CEP112: variants seen among roughly 807,000 people sequenced by gnomAD.
The protein encoded by CEP112 is centrosomal protein 112.
In CEP112, 127 loss-of-function variants were observed where a neutral mutation model predicts 153.0. The ratio of observed to expected loss-of-function variants is 0.83; its 90% CI spans 0.72 to 0.96. The LOEUF is 0.96. CEP112 is among the 40% of genes least tolerant of loss of function. The pLI is 0.00. For missense variants in CEP112, 1,089 were observed against 1,101.2 expected (o/e 0.99, Z 0.16); for synonymous variants, 358 against 374.4 (o/e 0.96, Z 0.51).
At chr17:66,141,081 T>C (rs1437803681) in intron 4 of CEP112, among the ~76,000 whole-genome samples, 1 of 152,170 alleles carries the variant, frequency 6.6e-6, no homozygotes, top group East Asian at 1.9e-4. Context: ...ATTTTGAATC[T>C]ATATTCTTCA....
At chr17:65,684,655 G>T (rs961867096) in intron 24 of CEP112, among the ~76,000 whole-genome samples, 1 of 152,162 alleles carries the variant, frequency 6.6e-6, no homozygotes, top group Non-Finnish European at 1.5e-5. Flanking sequence ...GTGAATTTTA[G>T]TTTTACCCAA....
chr17:65,945,508 C>G (rs2061622361), intron 18 of CEP112, among the ~76,000 whole-genome samples: 1 of 152,180 alleles, frequency 6.6e-6, no homozygotes, highest in Admixed American at 6.6e-5. Context: ...TAGTAGTATA[C>G]ATCAGTTTCA....
chr17:65,774,786 C>T (rs187981539), intron 21 of CEP112, among the ~76,000 whole-genome samples: 1 of 152,088 alleles, frequency 6.6e-6, no homozygotes, highest in Non-Finnish European at 1.5e-5. Context: ...TGCTGCACAG[C>T]CAAATGGTGA....
intron 8 of CEP112, among the ~76,000 whole-genome samples, chr17:66,088,106 C>A (rs1483378106): frequency 1.3e-5 from 2 of 152,020 alleles, no homozygotes; most frequent in African/African-American, 4.8e-5. Context: ...GGACTGACCC[C>A]AGCAGCCTAA....
chr17:65,778,839 A>C (rs1418712238), intron 21 of CEP112, among the ~76,000 whole-genome samples: 1 of 152,102 alleles, frequency 6.6e-6, no homozygotes, highest in Admixed American at 6.5e-5. Flanking sequence ...AAATTTACCC[A>C]AAAAAAGGCA....
intron 19 of CEP112, among the ~76,000 whole-genome samples, chr17:65,916,496 G>C (rs1274919488): frequency 1.3e-5 from 2 of 151,860 alleles, no homozygotes; most frequent in African/African-American, 4.8e-5. Context: ...ACTTAAAGAA[G>C]GAATAATGAG....
intron 22 of CEP112, among the ~76,000 whole-genome samples, chr17:65,747,048 A>C (rs2051515934): frequency 6.8e-6 from 1 of 148,076 alleles, no homozygotes; most frequent in Admixed American, 6.7e-5. Flanking sequence ...GCTTTGCAAA[A>C]ATGTTAGTGG....
intron 11 of CEP112, among the ~76,000 whole-genome samples, chr17:66,059,771 T>C (rs1380239129): frequency 2.6e-5 from 4 of 152,166 alleles, no homozygotes; most frequent in Non-Finnish European, 4.4e-5. Context: ...ACAACTACCA[T>C]TTGACCCAAC....
chr17:65,658,740 C>T (rs1454532427), intron 24 of CEP112, among the ~76,000 whole-genome samples: 2 of 151,950 alleles, frequency 1.3e-5, no homozygotes, highest in African/African-American at 2.4e-5. Flanking sequence ...ACAGGAATGT[C>T]CCAGGAGCCA....
intron 17 of CEP112, among the ~76,000 whole-genome samples, chr17:65,975,377 AAATATAG>A (rs1225604108): frequency 6.6e-6 from 1 of 152,214 alleles, no homozygotes; most frequent in Non-Finnish European, 1.5e-5. Context: ...AGAGATATAG[AAATATAG>A]ATGTATAAGT....
chr17:65,785,621 TTGA>T, intron 21 of CEP112, among the ~76,000 whole-genome samples: 1 of 152,356 alleles, frequency 6.6e-6, no homozygotes, highest in South Asian at 2.1e-4. Context: ...GCTTTTCATT[TTGA>T]TGAAGTTCAG....
intron 21 of CEP112, among the ~76,000 whole-genome samples, chr17:65,846,713 C>T (rs933952715): frequency 4.6e-5 from 7 of 152,174 alleles, no homozygotes; most frequent in East Asian, 3.9e-4. Flanking sequence ...GGACTACAGG[C>T]GCCCGCCACC....
rs146995749 is a variant in CEP112 at position 65,681,122 on chromosome 17, G to A, written c.2697+8007C>T. Among the ~76,000 whole-genome samples the A allele has an allele frequency of 2.5e-4, 38 of 152,296 alleles. No individual in the cohort carries two copies. The East Asian group carries it at 4.4e-3, about 18-fold the overall frequency. Reference sequence around the variant, plus strand: ...GGGCTGTTTTGAGGATAGGGGCTCCGGAAAGCAAAGGCCTTACAGAGTGAT... The same window carrying A: ...GGGCTGTTTTGAGGATAGGGGCTCCAGAAAGCAAAGGCCTTACAGAGTGAT... On this transcript the variant is annotated intron_variant, in intron 24 of 26. Transcript: ENST00000535342.
intron 21 of CEP112, among the ~76,000 whole-genome samples, chr17:65,797,710 G>C (rs1042013891): frequency 1.3e-5 from 2 of 152,186 alleles, no homozygotes; most frequent in Admixed American, 1.3e-4. Flanking sequence ...TTCAAGGAAG[G>C]CTCATTGACT....
intron 18 of CEP112, among the ~76,000 whole-genome samples, chr17:65,961,076 T>C (rs575796473): frequency 5.3e-5 from 8 of 151,272 alleles, no homozygotes; most frequent in African/African-American, 1.5e-4. Context: ...CAACTGCCAG[T>C]TGAAAATAAT....
chr17:65,820,109 G>A (rs1347134145), intron 21 of CEP112, among the ~76,000 whole-genome samples: 2 of 152,016 alleles, frequency 1.3e-5, no homozygotes, highest in Admixed American at 6.6e-5. Flanking sequence ...AAACAAAAAT[G>A]TTAAAAAGGC....
chr17:66,048,401 TA>T (rs1302515090), intron 12 of CEP112, among the ~76,000 whole-genome samples: 1 of 152,078 alleles, frequency 6.6e-6, no homozygotes, highest in Non-Finnish European at 1.5e-5. Context: ...GGAATTACTC[TA>T]AAGTAAAGCT....
At chr17:66,124,568 GA>G (rs35217387) in intron 6 of CEP112, among the ~76,000 whole-genome samples, 60,800 of 148,734 alleles carry the variant, frequency 0.41, 13,555 homozygotes, top group East Asian at 0.87. Flanking sequence ...GGCCAAGAAA[GA>G]AAAAAAAAAA....
chr17:66,070,845 C>T (rs2067285575), intron 8 of CEP112, among the ~76,000 whole-genome samples: 1 of 152,124 alleles, frequency 6.6e-6, no homozygotes, highest in African/African-American at 2.4e-5. Context: ...TAATTCCAAT[C>T]CCACCATATA....
Sources: gnomAD v4.1 joint callset for allele counts (sites outside exome capture counted in the v4.1 genomes callset) on GRCh38, gnomAD v4.1.1 for gene constraint, MANE v1.5 for transcripts, NCBI Gene and HGNC (gene_info 2026-07-23, HGNC 2026-07-21) for gene names.